The following NEDD4L variants were observed in gnomAD, a reference collection of about 807,000 sequenced individuals.
NEDD4L encodes the protein E3 ubiquitin-protein ligase NEDD4-like.
A neutral mutation model predicts 148.9 loss-of-function variants in NEDD4L; 54 were observed. The ratio of observed to expected loss-of-function variants is 0.36; its 90% CI spans 0.29 to 0.45. The LOEUF is 0.45. NEDD4L is among the 20% of genes least tolerant of loss of function. The pLI is 1.00. For missense variants in NEDD4L, 856 were observed against 1,233.8 expected (o/e 0.69, Z 4.59); for synonymous variants, 433 against 440.7 (o/e 0.98, Z 0.22).
intron 23 of NEDD4L, 131 bp downstream of exon 23, chr18:58,370,598 T>C (rs2046730980): frequency 5.8e-6 from 4 of 687,562 alleles, no homozygotes; most frequent in Non-Finnish European, 1.1e-5. Context: ...CAGGAGACAT[T>C]TAATTGCTTG....
At chr18:58,322,397 A>G in intron 6 of NEDD4L, 28 bp from the exon 7 acceptor site, 2 of 1,493,146 alleles carry the variant, frequency 1.3e-6, no homozygotes, top group Non-Finnish European at 1.9e-6. Context: ...GGAATATTAA[A>G]ATTTAATTTA....
chr18:58,333,319 A>G (rs1187508580), intron 11 of NEDD4L, among the ~76,000 whole-genome samples: 1 of 151,898 alleles, frequency 6.6e-6, no homozygotes, highest in East Asian at 1.9e-4. Context: ...TAAATACCAG[A>G]TCTTTCAGAA....
chr18:58,163,905 G>C (rs1459091188), intron 1 of NEDD4L, among the ~76,000 whole-genome samples: 1 of 151,706 alleles, frequency 6.6e-6, no homozygotes, highest in African/African-American at 2.4e-5. Flanking sequence ...TGTTCTCTTC[G>C]ACATTCTATA....
chr18:58,381,995 A>T (rs1228237487), intron 24 of NEDD4L, among the ~76,000 whole-genome samples: 12 of 152,362 alleles, frequency 7.9e-5, no homozygotes, highest in African/African-American at 2.9e-4. Context: ...AACGCAGCAA[A>T]GGGATTAAAA....
At chr18:58,386,802 C>T (rs1191248750) in intron 26 of NEDD4L, among the ~76,000 whole-genome samples, 4 of 152,122 alleles carry the variant, frequency 2.6e-5, no homozygotes, top group Non-Finnish European at 5.9e-5. Context: ...AGAAACAGCT[C>T]GGGGCCTTAG....
At chr18:58,246,397 C>A (rs866043678) in intron 3 of NEDD4L, among the ~76,000 whole-genome samples, 3 of 152,036 alleles carry the variant, frequency 2.0e-5, no homozygotes, top group African/African-American at 7.2e-5. Context: ...ATGTATATAT[C>A]TTATTTTCCT....
At chr18:58,144,645 A>C (rs1451015769) in intron 1 of NEDD4L, among the ~76,000 whole-genome samples, 1 of 152,120 alleles carries the variant, frequency 6.6e-6, no homozygotes, top group African/African-American at 2.4e-5. Flanking sequence ...TATGAAAGTC[A>C]GTCCTGGAAA....
intron 1 of NEDD4L, among the ~76,000 whole-genome samples, chr18:58,106,559 A>T (rs2085080545): frequency 6.6e-6 from 1 of 152,306 alleles, no homozygotes; most frequent in East Asian, 1.9e-4. Context: ...TGGGCAAGCC[A>T]CTTGCCTCCT....
At chr18:58,092,243 T>C (rs1303516281) in intron 1 of NEDD4L, among the ~76,000 whole-genome samples, 2 of 152,106 alleles carry the variant, frequency 1.3e-5, no homozygotes, top group African/African-American at 4.8e-5. Flanking sequence ...GAGATAAAGG[T>C]GTAGATGCAC....
At chr18:58,239,162 G>C (rs749144345) in intron 2 of NEDD4L, among the ~76,000 whole-genome samples, 8 of 152,190 alleles carry the variant, frequency 5.3e-5, no homozygotes, top group Non-Finnish European at 1.0e-4. Context: ...AAAGAAATTT[G>C]CTGTATAGTG....
chr18:58,196,710 CTTTTTT>C (rs544883000), intron 2 of NEDD4L, among the ~76,000 whole-genome samples: 90 of 114,444 alleles, frequency 7.9e-4, no homozygotes, highest in East Asian at 5.4e-3. Flanking sequence ...CTCTCTCTCT[CTTTTTT>C]TTTTTTTTTT....
intron 18 of NEDD4L, among the ~76,000 whole-genome samples, chr18:58,355,222 A>C (rs965394372): frequency 4.6e-5 from 7 of 152,196 alleles, no homozygotes; most frequent in African/African-American, 1.7e-4. Context: ...TCAGGGAAAA[A>C]AAATGAGCCC....
chr18:58,084,261 A>T (rs775616458), intron 1 of NEDD4L, among the ~76,000 whole-genome samples: 15 of 152,232 alleles, frequency 9.9e-5, no homozygotes, highest in Non-Finnish European at 1.8e-4. Flanking sequence ...AGAGGAAGGA[A>T]ACAAGGACTA....
chr18:58,385,564 A>G lies in NEDD4L; in HGVS notation c.2465A>G (p.Lys822Arg). The G allele has an allele frequency of 1.2e-6, 2 of 1,613,918 alleles. No homozygotes were observed. Among genetic ancestry groups the G allele is most frequent in the Non-Finnish European group, 1.7e-6 (2 of 1,179,812 alleles). ...IQWRFVNRVQ[K>R]QMNAFLEGFT... Reference sequence around the variant, plus strand: ...TGGAGATTTGTGAACAGGGTCCAGAAGCAGATGAACGCCTTCTTGGAGGTA... The same window carrying G: ...TGGAGATTTGTGAACAGGGTCCAGAGGCAGATGAACGCCTTCTTGGAGGTA... The change falls in exon 26 of 31, where the codon AAG becomes AGG. Residue 822 changes from lysine to arginine, a missense_variant. Around this residue, in one of 4 missense-constraint regions of NEDD4L, gnomAD observed 286 missense variants for 531.8 expected, o/e 0.54. Coordinates refer to ENST00000400345, the MANE Select transcript of NEDD4L (RefSeq NM_001144967.3).
rs1246586007 is a variant in NEDD4L, at chr18:58,330,709, G to A, written c.814-29G>A. The A allele has an allele frequency of 3.3e-6, 5 of 1,503,726 alleles. No individual in the cohort carries two copies. In the East Asian group the frequency reaches 9.3e-5, roughly 28 times the overall value. 93.1% of individuals were successfully genotyped at this position (1,503,726 alleles called of 1,614,324 possible). A position where few individuals can be genotyped will look rare whatever the true frequency, so the allele number is the denominator to read the frequency against. Reference sequence around the variant, plus strand: ...GGGTGGATCCCTACTTCTTTCTAGTGTTTACCCCAGTGTCTCCTTCTCTGA... The same window carrying A: ...GGGTGGATCCCTACTTCTTTCTAGTATTTACCCCAGTGTCTCCTTCTCTGA... On this transcript the variant is annotated intron_variant, in intron 10 of 30. Coordinates refer to ENST00000400345, the MANE Select transcript of NEDD4L (RefSeq NM_001144967.3).
intron 2 of NEDD4L, among the ~76,000 whole-genome samples, chr18:58,183,148 C>G (rs1026293981): frequency 1.3e-5 from 2 of 152,228 alleles, no homozygotes; most frequent in African/African-American, 4.8e-5. Context: ...AGGGTTGCCA[C>G]ATGGAGGTTG....
intron 5 of NEDD4L, among the ~76,000 whole-genome samples, chr18:58,312,744 G>A (rs1205828296): frequency 1.3e-5 from 2 of 152,144 alleles, no homozygotes; most frequent in African/African-American, 4.8e-5. Flanking sequence ...CAAGTGACAT[G>A]ATCTCAACTC....
chr18:58,182,773 C>CGCCTG (rs749844235), intron 2 of NEDD4L, among the ~76,000 whole-genome samples: 66 of 152,284 alleles, frequency 4.3e-4, no homozygotes, highest in Admixed American at 9.2e-4. Flanking sequence ...TGAGCCACTG[C>CGCCTG]GCCTGGCCTG....
At chr18:58,384,821 G>A (rs975130527) in intron 25 of NEDD4L, among the ~76,000 whole-genome samples, 3 of 152,172 alleles carry the variant, frequency 2.0e-5, no homozygotes, top group Non-Finnish European at 4.4e-5. Flanking sequence ...GTACCACCCC[G>A]AAGGTGAGAA....
Sources: allele counts gnomAD v4.1 joint callset (sites outside exome capture counted in the v4.1 genomes callset), GRCh38; gene constraint gnomAD v4.1.1; regional missense constraint gnomAD v4.1.1; transcripts MANE v1.5; gene names NCBI Gene and HGNC (gene_info 2026-07-23, HGNC 2026-07-21).